RDX: variants seen among roughly 807,000 people sequenced by gnomAD.
The protein encoded by RDX is deafness, autosomal recessive 24.
RDX carries 32 observed loss-of-function variants against 83.7 expected under a neutral mutation model. That is an observed-to-expected ratio of 0.38 (90% CI 0.29 to 0.51). The LOEUF (loss-of-function observed/expected upper bound fraction) is 0.51, where lower values mean the gene tolerates loss of function less well. Among genes scored for constraint, RDX ranks in the 20% least tolerant of loss-of-function variants. The pLI is 0.87. For synonymous variants in RDX, 229 were observed against 222.7 expected, an observed-to-expected ratio of 1.03 and a Z score of -0.25; for missense variants, 600 against 689.9, an observed-to-expected ratio of 0.87 and a Z score of 1.46.
At chr11:110,188,222 A>T (rs1275227252) in intron 15 of RDX, among the ~76,000 whole-genome samples, 1 of 151,894 alleles carries the variant, frequency 6.6e-6, no homozygotes, top group Non-Finnish European at 1.5e-5. Context: ...TGAACCCAGG[A>T]GGCAGAGGTT....
intron 15 of RDX, among the ~76,000 whole-genome samples, chr11:110,188,296 A>AAATAATAATAATAATAAT (rs34384486): frequency 7.0e-6 from 1 of 142,482 alleles, no homozygotes; most frequent in African/African-American, 2.6e-5. Flanking sequence ...CTCTGTCTCA[A>AAATAATAATAATAATAAT]AATAATAATA....
chr11:110,209,294 G>T (rs1356271191), intron 14 of RDX, among the ~76,000 whole-genome samples: 2 of 152,142 alleles, frequency 1.3e-5, no homozygotes, highest in Admixed American at 1.3e-4. Context: ...CTTAAAAAAC[G>T]GCGCACCACG....
chr11:110,269,927 A>G (rs1052570692), intron 3 of RDX, among the ~76,000 whole-genome samples: 8 of 152,292 alleles, frequency 5.3e-5, no homozygotes, highest in Admixed American at 5.2e-4. Flanking sequence ...TTGTGGTCCC[A>G]GCTACTCAAG....
chr11:110,259,225 A>G (rs1375969889), intron 5 of RDX, among the ~76,000 whole-genome samples: 2 of 152,190 alleles, frequency 1.3e-5, no homozygotes, highest in African/African-American at 4.8e-5. Flanking sequence ...GGCGTGAGCT[A>G]CCACGCCCAG....
chr11:110,258,249 TTA>T, intron 5 of RDX, 60 bp from the exon 6 acceptor site: 1 of 1,134,078 alleles, frequency 8.8e-7, no homozygotes, highest in Non-Finnish European at 1.3e-6. Context: ...AGCATACACT[TTA>T]AAAGTAAAGA....
At chr11:110,295,648 A>AAAC (rs1285665480) in intron 1 of RDX, among the ~76,000 whole-genome samples, 2 of 150,962 alleles carry the variant, frequency 1.3e-5, no homozygotes, top group South Asian at 2.1e-4. Flanking sequence ...AACTGAAAAA[A>AAAC]AAAAAAAAAC....
chr11:110,224,834 A>G (rs1347827775), downstream of RDX, among the ~76,000 whole-genome samples: 1 of 152,242 alleles, frequency 6.6e-6, no homozygotes, highest in Non-Finnish European at 1.5e-5. Context: ...GGCTAACTAC[A>G]GTAGACATAG....
chr11:110,216,512 A>G (rs1864057720), intron 14 of RDX, among the ~76,000 whole-genome samples: 1 of 149,890 alleles, frequency 6.7e-6, no homozygotes, highest in South Asian at 2.1e-4. Flanking sequence ...AGCTGAGACT[A>G]CAGGTGCGCT....
Position 110,215,041 on chromosome 11 carries a change from A to C in RDX, c.1749-15363T>G, listed in dbSNP as rs935899937. Among the ~76,000 whole-genome samples the C allele has an allele frequency of 5.9e-5, 5 of 85,382 alleles. No homozygotes were observed. In the East Asian group the frequency reaches 2.4e-3, roughly 41 times the overall value. 56.0% of individuals were successfully genotyped at this position (85,382 alleles called of 152,430 possible). On this transcript the variant is annotated intron_variant, in intron 14 of 15. Coordinates refer to the RDX transcript ENST00000528498. ...AAAACATTTAGGAGACCTAACAAAA[A>C]AAAAAAAAATATATATATATATATA...
chr11:110,275,492 G>C (rs1860475647), intron 2 of RDX, among the ~76,000 whole-genome samples: 1 of 152,158 alleles, frequency 6.6e-6, no homozygotes, highest in South Asian at 2.1e-4. Context: ...ATTTGTCATA[G>C]ACCAATGGAA....
At chr11:110,199,651 G>C (rs1863327004) in exon 15 of RDX, 1 of 702,914 alleles carries the variant, frequency 1.4e-6, no homozygotes, top group Admixed American at 2.0e-5. Flanking sequence ...AGCGCATCTG[G>C]AACAATGCAT....
intron 3 of RDX, among the ~76,000 whole-genome samples, chr11:110,268,084 T>C (rs1407824126): frequency 6.6e-6 from 1 of 151,482 alleles, no homozygotes; most frequent in African/African-American, 2.4e-5. Flanking sequence ...CTGAGGCAGG[T>C]GGATCACAAG....
downstream of RDX, among the ~76,000 whole-genome samples, chr11:110,224,675 C>G (rs1864373845): frequency 6.6e-6 from 1 of 152,136 alleles, no homozygotes; most frequent in African/African-American, 2.4e-5. Context: ...TTTTAAGTGT[C>G]TCAAAAGAGG....
At chr11:110,243,058 C>T (rs1157210951) in intron 10 of RDX, among the ~76,000 whole-genome samples, 10 of 152,060 alleles carry the variant, frequency 6.6e-5, no homozygotes, top group Non-Finnish European at 8.8e-5. Context: ...ACAGAGTATC[C>T]TAATCCAAAA....
chr11:110,187,996 A>G (rs1380542297), intron 15 of RDX, among the ~76,000 whole-genome samples: 1 of 152,192 alleles, frequency 6.6e-6, no homozygotes, highest in Non-Finnish European at 1.5e-5. Context: ...CATAAAAAGA[A>G]CAAAAGAATG....
chr11:110,209,180 C>G (rs1184971203), intron 14 of RDX, among the ~76,000 whole-genome samples: 1 of 152,148 alleles, frequency 6.6e-6, no homozygotes, highest in African/African-American at 2.4e-5. Context: ...ACTTGGGAAG[C>G]CCAAGAGGTC....
chr11:110,199,947 G>A (rs1051112607), intron 14 of RDX, among the ~76,000 whole-genome samples: 6 of 152,076 alleles, frequency 3.9e-5, no homozygotes, highest in African/African-American at 1.4e-4. Context: ...ACTTCAAATA[G>A]TGCAGCAACT....
chr11:110,280,150 T>A (rs1463082520), intron 1 of RDX, among the ~76,000 whole-genome samples: 1 of 152,208 alleles, frequency 6.6e-6, no homozygotes, highest in East Asian at 1.9e-4. Context: ...CTGAAGAGCT[T>A]AAGAATACTT....
chr11:110,255,872 A>G (rs1591156738), intron 7 of RDX, among the ~76,000 whole-genome samples: 1 of 152,316 alleles, frequency 6.6e-6, no homozygotes, highest in East Asian at 1.9e-4. Context: ...ATTCACGAAT[A>G]TACTAAAAAT....
Sources: allele counts gnomAD v4.1 joint callset (sites outside exome capture counted in the v4.1 genomes callset), GRCh38; gene constraint gnomAD v4.1.1; transcripts MANE v1.5; gene names NCBI Gene and HGNC (gene_info 2026-07-23, HGNC 2026-07-21).